ST3GAL5: variants seen among roughly 807,000 people sequenced by gnomAD.
The protein encoded by ST3GAL5 is lactosylceramide alpha-2,3-sialyltransferase.
ST3GAL5 carries 25 observed loss-of-function variants against 46.1 expected under a neutral mutation model. That is an observed-to-expected ratio of 0.54 (90% confidence interval 0.40 to 0.76). The LOEUF is 0.76. Among genes scored for constraint, ST3GAL5 ranks in the 30% least tolerant of loss-of-function variants. The probability of loss-of-function intolerance (pLI) is 0.00; values close to 1 mark genes in which losing one functional copy is unlikely to be tolerated. For synonymous variants in ST3GAL5, 182 were observed against 192.7 expected, an observed-to-expected ratio of 0.94 and a Z score of 0.46; for missense variants, 431 against 521.2, an observed-to-expected ratio of 0.83 and a Z score of 1.69.
chr2:85,846,625 CCA>C, intron 4 of ST3GAL5, 62 bp from the exon 5 acceptor site: 2 of 1,519,400 alleles, frequency 1.3e-6, no homozygotes, highest in Non-Finnish European at 1.8e-6. Context: ...TCTCTGTACA[CCA>C]GGCAGTATCC....
chr2:85,884,032 C>T (rs1239064323), intron 1 of ST3GAL5, among the ~76,000 whole-genome samples: 1 of 152,186 alleles, frequency 6.6e-6, no homozygotes, highest in African/African-American at 2.4e-5. Context: ...ACCACAAAGA[C>T]ATGGATACGA....
At chr2:85,861,553 A>G (rs1684731440) in intron 2 of ST3GAL5, among the ~76,000 whole-genome samples, 1 of 151,634 alleles carries the variant, frequency 6.6e-6, no homozygotes, top group African/African-American at 2.4e-5. Context: ...TCTGAATCAC[A>G]ATGTCAATTA....
At chr2:85,851,795 C>T (rs1310060984) in intron 3 of ST3GAL5, 1 of 1,134,048 alleles carries the variant, frequency 8.8e-7, no homozygotes, top group Admixed American at 2.4e-5. Flanking sequence ...GCCTGGGTGG[C>T]ATTCATCCAG....
intron 3 of ST3GAL5, among the ~76,000 whole-genome samples, chr2:85,857,772 T>C (rs146572897): frequency 3.4e-3 from 515 of 152,072 alleles, no homozygotes; most frequent in African/African-American, 0.011. Flanking sequence ...GGAAGCAATA[T>C]ATTAGATTCA....
intron 1 of ST3GAL5, among the ~76,000 whole-genome samples, chr2:85,884,416 G>A (rs1335109438): frequency 6.6e-6 from 1 of 152,102 alleles, no homozygotes; most frequent in Non-Finnish European, 1.5e-5. Context: ...AAACTTTTTG[G>A]GAAATTGAAA....
chr2:85,852,715 T>A, intron 3 of ST3GAL5: 1 of 427,820 alleles, frequency 2.3e-6, no homozygotes, highest in Admixed American at 3.7e-5. Context: ...AAGGATTAAA[T>A]CTTATGTAGA....
At chr2:85,888,328 G>C (rs1432786932) in intron 1 of ST3GAL5, 1 of 152,606 alleles carries the variant, frequency 6.6e-6, no homozygotes, top group African/African-American at 2.4e-5. Context: ...CGCAAGGCTG[G>C]CTGCAGAGAG....
intron 1 of ST3GAL5, among the ~76,000 whole-genome samples, chr2:85,873,842 A>G (rs1686217081): frequency 6.6e-6 from 1 of 152,192 alleles, no homozygotes; most frequent in South Asian, 2.1e-4. Flanking sequence ...AGATTCCCAC[A>G]CTTCATCCCC....
chr2:85,849,974 G>A (rs998518436), intron 3 of ST3GAL5: 1 of 151,956 alleles, frequency 6.6e-6, no homozygotes, highest in Non-Finnish European at 1.5e-5. Context: ...TATTACTGGG[G>A]TATAGGTTTA....
chr2:85,859,807 C>G (rs998811673), intron 3 of ST3GAL5, among the ~76,000 whole-genome samples: 1 of 152,244 alleles, frequency 6.6e-6, no homozygotes, highest in African/African-American at 2.4e-5. Flanking sequence ...CTACATTTCA[C>G]AGTTGAGAAA....
At position 85,847,779 on chromosome 2, in the gene ST3GAL5, G is replaced by A. The variant is rs1357351951; in HGVS notation, c.662+82C>T. 3 of 1,517,964 alleles carry A rather than the reference G, an allele frequency of 2.0e-6. No individual in the cohort carries two copies. The African/African-American group carries it at 4.2e-5, about 21-fold the overall frequency. The allele number at this position is 1,517,964 out of a possible 1,614,324, so 94.0% of individuals were successfully genotyped here. ...CACTGCACTCCAGCCTGGACAACAG[G>A]AGTGAGACCCTGCCTCAAAAAATAA... is the stretch of plus-strand genomic sequence containing the variant. On this transcript the variant is annotated intron_variant, in intron 4 of 6. Transcript: ENST00000638572.
Position 85,861,189 on chromosome 2 carries a change from G to T in ST3GAL5, c.310C>A (p.His104Asn). Reference protein sequence around the residue: ...MKKMHYVDPDHVKRAQKYAQQ... With the variant: ...MKKMHYVDPDNVKRAQKYAQQ... Reference sequence around the variant, plus strand: ...CCAATGGGATATCTAACCTTTACATGGTCAGGGTCCACATAATGCATTTTT... The same window carrying T: ...CCAATGGGATATCTAACCTTTACATTGTCAGGGTCCACATAATGCATTTTT... The change falls in exon 3 of 7, where the codon CAT becomes AAT. Residue 104 changes from histidine to asparagine, a missense_variant. By Grantham distance (68) the His-to-Asn change is moderately conservative. Transcript: ENST00000638572. The T allele has an allele frequency of 6.3e-7, 1 of 1,599,246 alleles. No individual in the cohort carries two copies. The highest frequency in any genetic ancestry group is 8.6e-7 in the Non-Finnish European group (1 of 1,167,092).
chr2:85,842,944 G>A (rs912245195), intron 6 of ST3GAL5, among the ~76,000 whole-genome samples: 1 of 152,002 alleles, frequency 6.6e-6, no homozygotes, highest in African/African-American at 2.4e-5. Context: ...TTTTAGTAGA[G>A]ACAGGGTTTC....
At chr2:85,861,025 T>C (rs940052475) in intron 3 of ST3GAL5, 156 bp downstream of exon 3, 2 of 646,428 alleles carry the variant, frequency 3.1e-6, no homozygotes, top group South Asian at 1.7e-5. Context: ...TAGAAGAAGG[T>C]TGTCTTTGGT....
chr2:85,886,743 C>G (rs983947049), intron 1 of ST3GAL5, among the ~76,000 whole-genome samples: 2 of 152,182 alleles, frequency 1.3e-5, no homozygotes, highest in African/African-American at 4.8e-5. Flanking sequence ...TCCTCCCACA[C>G]CAGGCCTGTG....
chr2:85,868,767 C>A (rs912589206), intron 1 of ST3GAL5, among the ~76,000 whole-genome samples: 1 of 151,908 alleles, frequency 6.6e-6, no homozygotes, highest in Non-Finnish European at 1.5e-5. Flanking sequence ...TACAGGCATG[C>A]GCCACCACAC....
At chr2:85,844,897 G>A in intron 5 of ST3GAL5, 1 of 367,226 alleles carries the variant, frequency 2.7e-6, no homozygotes, top group Non-Finnish European at 5.2e-6. Flanking sequence ...ATTAAGTGCT[G>A]AAACTGCCCT....
At chr2:85,840,893 G>A (rs1165322892) in intron 6 of ST3GAL5, among the ~76,000 whole-genome samples, 7 of 130,296 alleles carry the variant, frequency 5.4e-5, no homozygotes, top group East Asian at 2.4e-4. Flanking sequence ...GCAGTGAGCC[G>A]AGATCGAGCC....
At chr2:85,876,635 G>C (rs1264119440) in intron 1 of ST3GAL5, among the ~76,000 whole-genome samples, 1 of 151,912 alleles carries the variant, frequency 6.6e-6, no homozygotes, top group Non-Finnish European at 1.5e-5. Context: ...GCTAATTTTT[G>C]TATTTTTAGT....
Sources: gnomAD v4.1 joint callset for allele counts (sites outside exome capture counted in the v4.1 genomes callset) on GRCh38, gnomAD v4.1.1 for gene constraint, MANE v1.5 for transcripts, NCBI Gene and HGNC (gene_info 2026-07-23, HGNC 2026-07-21) for gene names.